Variants in SPANXN2 observed in about 807,000 individuals in gnomAD.
SPANXN2 encodes the protein sperm protein associated with the nucleus on the X chromosome N2.
Under a neutral mutation model 2.0 loss-of-function variants are expected in SPANXN2, and 1 was observed. That is an observed-to-expected ratio of 0.50 (90% CI 0.18 to 2.36). The LOEUF is 2.36. SPANXN2 is among the 30% of genes most tolerant of loss of function. SPANXN2 has a pLI of 0.26. For synonymous variants in SPANXN2, 43 were observed against 49.8 expected (o/e 0.86, Z 0.58); for missense variants, 88 against 116.7 (o/e 0.75, Z 1.13).
In SPANXN2 at chrX:143,712,647, G is replaced by T. The variant is rs782365288; in HGVS notation, c.79-148C>A. ...GAACAAGGTGGAATCATAGGGTAGT[G>T]ATCTATGGGGAAGAAGAAGAGGAGC... On this transcript the variant is annotated intron_variant, in intron 1 of 1. Coordinates refer to ENST00000598475, the Ensembl canonical transcript of SPANXN2. The T allele has an allele frequency of 1.6e-4, 91 of 564,201 alleles. 1 individual carries two copies. The South Asian group carries it at 2.2e-3, about 14-fold the overall frequency. The allele number at this position is 564,201 out of a possible 1,213,427, so 46.5% of individuals were successfully genotyped here.
intron 1 of SPANXN2, among the ~76,000 whole-genome samples, chrX:143,714,152 T>A (rs1228706126): frequency 5.5e-5 from 6 of 108,941 alleles, no homozygotes; most frequent in Admixed American, 9.8e-5. Flanking sequence ...TCAAACCAGG[T>A]CTCACACCCA....
At chrX:143,719,085 C>G (rs1367667775) in intron 1 of SPANXN2, among the ~76,000 whole-genome samples, 1 of 111,181 alleles carries the variant, frequency 9.0e-6, no homozygotes, top group Non-Finnish European at 1.9e-5. Flanking sequence ...ATTCGCAAAA[C>G]CTGCTTATAA....
chrX:143,713,053 T>A (rs1267701256), intron 1 of SPANXN2, among the ~76,000 whole-genome samples: 2 of 111,721 alleles, frequency 1.8e-5, no homozygotes, highest in Non-Finnish European at 3.8e-5. Context: ...TCCATAGGTG[T>A]CTGCCATATT....
chrX:143,713,035 C>T (rs1171722461), intron 1 of SPANXN2, among the ~76,000 whole-genome samples: 1 of 111,727 alleles, frequency 9.0e-6, no homozygotes, highest in Admixed American at 9.4e-5. Context: ...TTAAGCTTGT[C>T]CTCCACTTCC....
intron 1 of SPANXN2, among the ~76,000 whole-genome samples, chrX:143,714,385 C>A (rs781936983): frequency 2.7e-5 from 3 of 111,523 alleles, no homozygotes; most frequent in Non-Finnish European, 3.8e-5. Flanking sequence ...CCTGGCATGA[C>A]ATATATGTCA....
chrX:143,720,624 G>A, exon 1 of SPANXN2: 1 of 1,210,887 alleles, frequency 8.3e-7, no homozygotes, highest in Non-Finnish European at 1.1e-6. Context: ...ATTCACAGGG[G>A]CTCTTCCTCT....
At chrX:143,712,018 G>C (rs782681947) in exon 2 of SPANXN2, 1 of 1,211,969 alleles carries the variant, frequency 8.3e-7, no homozygotes, top group Admixed American at 2.2e-5. Context: ...TGTCCAATTT[G>C]GTTTCTCCAT....
chrX:143,716,634 G>A (rs1286429477), intron 1 of SPANXN2, among the ~76,000 whole-genome samples: 3 of 112,001 alleles, frequency 2.7e-5, no homozygotes, highest in East Asian at 2.8e-4. Context: ...ATATGGCAAC[G>A]CCCCAGAAGC....
At position 143,712,512 on chromosome X, in the gene SPANXN2, C is replaced by A. The variant is rs73566149; in HGVS notation, c.79-13G>T. The stretch of plus-strand genomic sequence containing the variant: ...GTGCCTCCTGCATCTGATAAGAAAA[C>A]AGGGAGAGGCCAGAAAGTCATTATT... On this transcript the variant is annotated splice_polypyrimidine_tract_variant and intron_variant, in intron 1 of 1. Transcript: ENST00000598475. 7,665 of 1,196,449 alleles carry A rather than the reference C, an allele frequency of 6.4e-3. 291 individuals are homozygous for A. The African/African-American group carries it at 0.11, about 17-fold the overall frequency.
At chrX:143,720,336 C>T (rs1228789052) in intron 1 of SPANXN2, among the ~76,000 whole-genome samples, 1 of 103,605 alleles carries the variant, frequency 9.7e-6, no homozygotes, top group Non-Finnish European at 2.0e-5. Context: ...TGACATCCCA[C>T]TGGAAAAAGG....
chrX:143,714,903 G>A (rs1220905232), intron 1 of SPANXN2, among the ~76,000 whole-genome samples: 7 of 111,679 alleles, frequency 6.3e-5, no homozygotes, highest in Non-Finnish European at 1.3e-4. Flanking sequence ...ACTCAACAGG[G>A]TTCCCAAGGC....
intron 1 of SPANXN2, among the ~76,000 whole-genome samples, 153 bp downstream of exon 1, chrX:143,720,438 A>C (rs1932347214): frequency 1.1e-5 from 1 of 89,010 alleles, no homozygotes; most frequent in Non-Finnish European, 2.2e-5. Context: ...ACCTATAAGC[A>C]CCCCAGCCTG....
intron 1 of SPANXN2, among the ~76,000 whole-genome samples, chrX:143,716,612 A>G (rs1932270088): frequency 1.8e-5 from 2 of 111,687 alleles, no homozygotes. Flanking sequence ...CCCTTGGACT[A>G]CTCTGCCAAA....
At chrX:143,720,673 C>A (rs1932353363) in exon 1 of SPANXN2, 1 of 1,210,404 alleles carries the variant, frequency 8.3e-7, no homozygotes, top group Non-Finnish European at 1.1e-6. Flanking sequence ...TTCCATGATT[C>A]TGCTTGGTTG....
intron 1 of SPANXN2, among the ~76,000 whole-genome samples, chrX:143,714,924 C>T (rs781852710): frequency 8.5e-4 from 95 of 111,778 alleles, no homozygotes; most frequent in African/African-American, 2.4e-3. Flanking sequence ...CTACAGAATT[C>T]CTCAACTTGG....
chrX:143,712,573 G>C, intron 1 of SPANXN2, 74 bp from the exon 2 acceptor site: 1 of 969,555 alleles, frequency 1.0e-6, no homozygotes, highest in Admixed American at 2.7e-5. Flanking sequence ...TAGCAAGGGG[G>C]GCTTTATGAG....
At chrX:143,716,142 C>A (rs1377507084) in intron 1 of SPANXN2, among the ~76,000 whole-genome samples, 2 of 110,862 alleles carry the variant, frequency 1.8e-5, no homozygotes, top group African/African-American at 6.6e-5. Context: ...TGTCAATGAC[C>A]TCCTTCTCTG....
chrX:143,719,123 C>CA (rs202089139), intron 1 of SPANXN2, among the ~76,000 whole-genome samples: 2,054 of 111,069 alleles, frequency 0.018, 62 homozygotes, highest in African/African-American at 0.065. Flanking sequence ...CCTTTCCCCC[C>CA]CCACCAATCC....
chrX:143,715,416 A>C (rs1556449426), intron 1 of SPANXN2, among the ~76,000 whole-genome samples: 1 of 110,031 alleles, frequency 9.1e-6, no homozygotes, highest in African/African-American at 3.3e-5. Context: ...GGGACATATT[A>C]AGTAAATTCC....
Sources: gnomAD v4.1 joint callset for allele counts (sites outside exome capture counted in the v4.1 genomes callset) on GRCh38, gnomAD v4.1.1 for gene constraint, MANE v1.5 for transcripts, NCBI Gene and HGNC (gene_info 2026-07-23, HGNC 2026-07-21) for gene names.